LGSN: variants seen among roughly 807,000 people sequenced by gnomAD.
LGSN encodes the protein lengsin, lens protein with glutamine synthetase domain.
In LGSN, 21 loss-of-function variants were observed where a neutral mutation model predicts 19.5. That is an observed-to-expected ratio of 1.07 (90% confidence interval 0.76 to 1.55). The LOEUF (loss-of-function observed/expected upper bound fraction) is 1.55, where lower values mean the gene tolerates loss of function less well. Among genes scored for constraint, LGSN ranks in the 40% most tolerant of loss-of-function variants. LGSN has a pLI of 0.00. For missense variants in LGSN, 673 were observed against 608.5 expected (o/e 1.11, Z -1.12); for synonymous variants, 257 against 215.6 (o/e 1.19, Z -1.68).
chr6:63,491,805 C>T, the LGSN span, among the ~76,000 whole-genome samples: 1 of 152,074 alleles, frequency 6.6e-6, no homozygotes, highest in Non-Finnish European at 1.5e-5. Context: ...CCGAGGCGGG[C>T]GGATCTCCTG....
chr6:63,358,456 A>G, the LGSN span, among the ~76,000 whole-genome samples: 2 of 152,096 alleles, frequency 1.3e-5, no homozygotes, highest in African/African-American at 2.4e-5. Flanking sequence ...GATTCTTCCT[A>G]CCCATGAGCA....
At chr6:63,436,304 G>A in the LGSN span, among the ~76,000 whole-genome samples, 1 of 152,106 alleles carries the variant, frequency 6.6e-6, no homozygotes, top group South Asian at 2.1e-4. Flanking sequence ...TTTTCACCAT[G>A]TTGGCCAGCC....
chr6:63,475,636 T>C, the LGSN span, among the ~76,000 whole-genome samples: 2 of 152,208 alleles, frequency 1.3e-5, no homozygotes, highest in African/African-American at 4.8e-5. Flanking sequence ...ATATAGAGTA[T>C]GCCAGATAGT....
the LGSN span, among the ~76,000 whole-genome samples, chr6:63,336,592 G>T: frequency 6.8e-6 from 1 of 146,382 alleles, no homozygotes; most frequent in African/African-American, 2.5e-5. Context: ...AAATTATAAA[G>T]TTCCTATGTA....
chr6:63,469,844 G>C, the LGSN span, among the ~76,000 whole-genome samples: 1 of 152,114 alleles, frequency 6.6e-6, no homozygotes, highest in African/African-American at 2.4e-5. Flanking sequence ...AGCCTCCTGA[G>C]GAGCTGAGAT....
the LGSN span, among the ~76,000 whole-genome samples, chr6:63,360,653 C>T: frequency 6.6e-6 from 1 of 152,238 alleles, no homozygotes; most frequent in Non-Finnish European, 1.5e-5. Flanking sequence ...CTTCTCTCAA[C>T]TCATCAAAGT....
the LGSN span, among the ~76,000 whole-genome samples, chr6:63,531,201 T>C: frequency 6.6e-6 from 1 of 152,192 alleles, no homozygotes; most frequent in Non-Finnish European, 1.5e-5. Context: ...ACCTGCTTCC[T>C]GGTTCACAGC....
the LGSN span, among the ~76,000 whole-genome samples, chr6:63,448,257 A>G: frequency 1.3e-5 from 2 of 152,236 alleles, no homozygotes; most frequent in African/African-American, 4.8e-5. Flanking sequence ...ATATAAAACA[A>G]AAAAGGCTCA....
At chr6:63,363,257 A>C in the LGSN span, among the ~76,000 whole-genome samples, 1 of 152,250 alleles carries the variant, frequency 6.6e-6, no homozygotes, top group East Asian at 1.9e-4. Context: ...ACCAGAGCAG[A>C]AATGCTGAAA....
the LGSN span, among the ~76,000 whole-genome samples, chr6:63,367,381 C>G: frequency 6.6e-6 from 1 of 152,128 alleles, no homozygotes; most frequent in East Asian, 1.9e-4. Context: ...CAAATCAAAA[C>G]CACAATGAGA....
chr6:63,412,759 G>C, the LGSN span, among the ~76,000 whole-genome samples: 2 of 28,508 alleles, frequency 7.0e-5, 1 homozygote, highest in Admixed American at 9.4e-4. Context: ...AAGAAAGAAA[G>C]AAAGAAAGAA....
At chr6:63,326,919 A>G in the LGSN span, among the ~76,000 whole-genome samples, 446 of 152,122 alleles carry the variant, frequency 2.9e-3, 3 homozygotes, top group African/African-American at 0.01. Context: ...GCGGTGGGCC[A>G]AAGGGCTCCT....
chr6:63,395,896 G>A, the LGSN span: 1 of 154,092 alleles, frequency 6.5e-6, no homozygotes, highest in Admixed American at 6.5e-5. Context: ...GTAGGGAGGG[G>A]AAAGATAAAG....
chr6:63,552,354 G>A, the LGSN span, among the ~76,000 whole-genome samples: 1 of 152,092 alleles, frequency 6.6e-6, no homozygotes, highest in African/African-American at 2.4e-5. Context: ...GTCTGTTCAT[G>A]TCCTTTACCC....
At chr6:63,399,411 T>C in the LGSN span, among the ~76,000 whole-genome samples, 3 of 149,238 alleles carry the variant, frequency 2.0e-5, no homozygotes, top group Non-Finnish European at 4.5e-5. Context: ...TTTTTTTTTT[T>C]GAGACGGAGT....
At chr6:63,507,837 A>C in the LGSN span, among the ~76,000 whole-genome samples, 2 of 152,202 alleles carry the variant, frequency 1.3e-5, no homozygotes, top group African/African-American at 4.8e-5. Context: ...TCATTAATGC[A>C]AACTGAATTA....
intron 1 of LGSN, among the ~76,000 whole-genome samples, chr6:63,312,683 C>A (rs1288129596): frequency 1.3e-5 from 2 of 152,132 alleles, no homozygotes; most frequent in African/African-American, 4.8e-5. Context: ...TACCATAAAA[C>A]AAGGAACTAT....
the LGSN span, among the ~76,000 whole-genome samples, chr6:63,428,640 C>T: frequency 3.3e-5 from 5 of 152,294 alleles, no homozygotes; most frequent in Admixed American, 6.5e-5. Context: ...CATGAGCCAC[C>T]GCACCCGACC....
chr6:63,337,697 A>G, the LGSN span, among the ~76,000 whole-genome samples: 1 of 150,612 alleles, frequency 6.6e-6, no homozygotes. Flanking sequence ...CTAGCTACTC[A>G]GGAGGCTCAG....
Sources: gnomAD v4.1 joint callset for allele counts (sites outside exome capture counted in the v4.1 genomes callset) on GRCh38, gnomAD v4.1.1 for gene constraint, MANE v1.5 for transcripts, NCBI Gene and HGNC (gene_info 2026-07-23, HGNC 2026-07-21) for gene names.